The following SLC28A1 variants were observed in gnomAD, a reference collection of about 807,000 sequenced individuals.
The protein encoded by SLC28A1 is solute carrier family 28 member 1.
Under a neutral mutation model 74.8 loss-of-function variants are expected in SLC28A1, and 64 were observed. The observed-to-expected ratio is 0.86, with a 90% CI of 0.70 to 1.05. The LOEUF (loss-of-function observed/expected upper bound fraction) is 1.05, where lower values mean the gene tolerates loss of function less well. Ranked by LOEUF, SLC28A1 falls within the 50% of genes least tolerant of loss-of-function variation. The probability of loss-of-function intolerance (pLI) is 0.00; values close to 1 mark genes in which losing one functional copy is unlikely to be tolerated. For synonymous variants in SLC28A1, 359 were observed against 335.0 expected, an observed-to-expected ratio of 1.07 and a Z score of -0.78; for missense variants, 828 against 822.8, an observed-to-expected ratio of 1.01 and a Z score of -0.08.
chr15:84,926,392 G>A (rs896545421), intron 12 of SLC28A1: 4 of 227,540 alleles, frequency 1.8e-5, no homozygotes, highest in African/African-American at 7.6e-5. Flanking sequence ...TGGTAGAGAC[G>A]GGATCTTGCT....
intron 7 of SLC28A1, among the ~76,000 whole-genome samples, chr15:84,905,169 A>C (rs532899603): frequency 6.6e-6 from 1 of 152,286 alleles, no homozygotes; most frequent in East Asian, 1.9e-4. Flanking sequence ...GACAGGGTTC[A>C]CACGAGCTGG....
rs150146981 is a variant in SLC28A1, at chr15:84,895,293, T to A, written c.461+170T>A. 284 of 1,596,190 alleles carry A rather than the reference T, an allele frequency of 1.8e-4. 1 individual carries two copies. The highest frequency in any genetic ancestry group is 2.3e-4 in the Non-Finnish European group (263 of 1,164,082). ...GTGGCTTCAAACAAAGCAGCATCTT[T>A]GTGGTGTTTCACCAGTTCTTAGTCC... On this transcript the variant is annotated intron_variant, in intron 6 of 18. Transcript: ENST00000394573.
intron 2 of SLC28A1, chr15:84,887,498 A>G: frequency 7.1e-6 from 7 of 979,510 alleles, no homozygotes; most frequent in Non-Finnish European, 8.5e-6. Context: ...AGCCTGTGCA[A>G]CACAGGGAGA....
intron 4 of SLC28A1, among the ~76,000 whole-genome samples, chr15:84,889,715 TC>T (rs1212843591): frequency 1.3e-4 from 6 of 45,770 alleles, no homozygotes; most frequent in Middle Eastern, 0.011. Context: ...CTTCTTTCCT[TC>T]CTTCCTTCCT....
At chr15:84,920,463 A>AAAGGGG (rs58546184) in intron 10 of SLC28A1, among the ~76,000 whole-genome samples, 112,478 of 141,554 alleles carry the variant, frequency 0.79, 45,464 homozygotes, top group African/African-American at 0.86. Context: ...AAAGGAAAGG[A>AAAGGGG]AAGGGGAAGG....
chr15:84,943,865 C>G (rs1308461508), intron 16 of SLC28A1, among the ~76,000 whole-genome samples: 1 of 151,866 alleles, frequency 6.6e-6, no homozygotes, highest in Non-Finnish European at 1.5e-5. Context: ...GATCGCACCA[C>G]TGCACTCCAG....
Position 84,933,049 on chromosome 15 carries a change from G to A in SLC28A1, c.1084-96G>A, listed in dbSNP as rs373496298. 19 of 1,208,760 alleles carry A rather than the reference G, an allele frequency of 1.6e-5. No individual in the cohort carries two copies. The African/African-American group carries it at 2.1e-4, about 13-fold the overall frequency. The allele number at this position is 1,208,760 out of a possible 1,614,324, so 74.9% of individuals were successfully genotyped here. A position where few individuals can be genotyped will look rare whatever the true frequency, so the allele number is the denominator to read the frequency against. ...ACAATGAGGACATATCAGTGGGACA[G>A]ACTACACATGTGCCCTTGCTGCCCT... On this transcript the variant is annotated intron_variant, in intron 12 of 18. Coordinates refer to ENST00000394573, the MANE Select transcript of SLC28A1 (RefSeq NM_004213.5).
At chr15:84,890,971 G>C (rs1303595679) in intron 5 of SLC28A1, among the ~76,000 whole-genome samples, 1 of 152,180 alleles carries the variant, frequency 6.6e-6, no homozygotes, top group Non-Finnish European at 1.5e-5. Flanking sequence ...AAAGTTCGAC[G>C]TCTGCACTGT....
At chr15:84,960,243 T>TGAGACAAGGTCTTGCTC in the SLC28A1 span, among the ~76,000 whole-genome samples, 1 of 21,152 alleles carries the variant, frequency 4.7e-5, no homozygotes, top group African/African-American at 7.9e-5. Context: ...TTTTTTTTTT[T>TGAGACAAGGTCTTGCTC]TTTTTTTTTT....
the SLC28A1 span, among the ~76,000 whole-genome samples, chr15:84,965,655 C>T: frequency 6.6e-6 from 1 of 152,132 alleles, no homozygotes; most frequent in Non-Finnish European, 1.5e-5. Flanking sequence ...GAGGGCCATG[C>T]ACTTCTTCTA....
At chr15:84,920,731 A>G (rs1969725834) in intron 10 of SLC28A1, among the ~76,000 whole-genome samples, 1 of 120,226 alleles carries the variant, frequency 8.3e-6, no homozygotes, top group South Asian at 2.9e-4. Flanking sequence ...TGTGCATTTC[A>G]CAATTCTCAA....
chr15:84,943,469 T>C lies in SLC28A1; in HGVS notation c.1606T>C (p.Phe536Leu). 1 of 1,614,064 alleles carries C rather than the reference T, an allele frequency of 6.2e-7. No individual in the cohort carries two copies. Among genetic ancestry groups the C allele is most frequent in the South Asian group, 1.1e-5 (1 of 91,084 alleles). The change falls in exon 16 of 19, where the codon TTT (phenylalanine) becomes CTT (leucine). Residue 536 changes from phenylalanine (F) to leucine (L), a missense_variant. Transcript: ENST00000394573. ...ISVRAEVLTT[F>L]ALCGFANFSS... ...GGTCAGAGCTGAAGTCCTCACGACG[T>C]TTGCCCTCTGTGGATTTGCCAATTT... is the stretch of plus-strand genomic sequence containing the variant.
chr15:84,906,987 G>A (rs1567141568), intron 8 of SLC28A1, among the ~76,000 whole-genome samples: 1 of 152,174 alleles, frequency 6.6e-6, no homozygotes, highest in Non-Finnish European at 1.5e-5. Flanking sequence ...GTTGAGTGGA[G>A]GAGGTTGGCT....
chr15:84,947,467 TG>T (rs1282676775), downstream of SLC28A1, among the ~76,000 whole-genome samples: 1 of 152,256 alleles, frequency 6.6e-6, no homozygotes, highest in Non-Finnish European at 1.5e-5. Flanking sequence ...CCTAGAAGAC[TG>T]CAGGCCACTT....
At chr15:84,933,053 A>T in intron 12 of SLC28A1, 92 bp from the exon 13 acceptor site, 1 of 1,251,976 alleles carries the variant, frequency 8.0e-7, no homozygotes, top group Non-Finnish European at 1.2e-6. Flanking sequence ...GGGACAGACT[A>T]CACATGTGCC....
intron 8 of SLC28A1, among the ~76,000 whole-genome samples, chr15:84,908,003 T>C (rs1160331342): frequency 3.9e-5 from 6 of 152,098 alleles, no homozygotes; most frequent in East Asian, 1.9e-4. Flanking sequence ...TGTAGAAGCA[T>C]GGCTGGGCTC....
intron 9 of SLC28A1, among the ~76,000 whole-genome samples, chr15:84,910,890 G>C (rs11858319): frequency 0.044 from 6,704 of 152,276 alleles, 362 homozygotes; most frequent in African/African-American, 0.13. Context: ...CCTTGAGGAG[G>C]CAGCATTTGA....
Position 84,921,082 on chromosome 15 carries a change from GCCT to G in SLC28A1, c.957+17_957+19del. On this transcript the variant is annotated intron_variant, in intron 11 of 18. Transcript: ENST00000394573. ...CTTTGTGAGCCAGGTGGGTATGGAAGCCTCCTACCCTCATGCTCATCAGCAGCT... is the reference window on the plus strand; with the variant it reads ...CTTTGTGAGCCAGGTGGGTATGGAAGCCTACCCTCATGCTCATCAGCAGCT... 3 of 1,597,436 alleles carry G rather than the reference GCCT, an allele frequency of 1.9e-6. No individual in the cohort carries two copies. Among genetic ancestry groups the G allele is most frequent in the Non-Finnish European group, 2.6e-6 (3 of 1,164,862 alleles).
chr15:84,951,736 A>G, the SLC28A1 span, among the ~76,000 whole-genome samples: 1 of 152,146 alleles, frequency 6.6e-6, no homozygotes, highest in Non-Finnish European at 1.5e-5. Context: ...GGGCTGGTAC[A>G]TTCACCTGGA....
Sources: allele counts gnomAD v4.1 joint callset (sites outside exome capture counted in the v4.1 genomes callset), GRCh38; gene constraint gnomAD v4.1.1; transcripts MANE v1.5; gene names NCBI Gene and HGNC (gene_info 2026-07-23, HGNC 2026-07-21).